Variants in RERE observed in about 807,000 individuals in gnomAD.
The protein encoded by RERE is arginine-glutamic acid dipeptide repeats, also known as arginine-glutamic acid dipeptide repeats protein.
A neutral mutation model predicts 146.1 loss-of-function variants in RERE; 40 were observed. The observed-to-expected ratio is 0.27, with a 90% CI of 0.21 to 0.36. The LOEUF (loss-of-function observed/expected upper bound fraction) is 0.36. Ranked by LOEUF, RERE falls within the 10% of genes least tolerant of loss-of-function variation. The probability of loss-of-function intolerance (pLI) is 1.00; values close to 1 mark genes in which losing one functional copy is unlikely to be tolerated. For missense variants in RERE, 1,933 were observed against 2,138.7 expected (o/e 0.90, Z 1.90); for synonymous variants, 1,003 against 866.0 (o/e 1.16, Z -2.78).
intron 7 of RERE, among the ~76,000 whole-genome samples, chr1:8,531,705 GT>G (rs1229470713): frequency 6.6e-6 from 1 of 152,074 alleles, no homozygotes; most frequent in Non-Finnish European, 1.5e-5. Context: ...TAAGTATTCT[GT>G]TAGATTAAGG....
At chr1:8,570,782 C>T (rs1330147055) in intron 4 of RERE, among the ~76,000 whole-genome samples, 1 of 152,146 alleles carries the variant, frequency 6.6e-6, no homozygotes, top group Non-Finnish European at 1.5e-5. Flanking sequence ...CTTTTAGACA[C>T]AATCATTTAA....
At chr1:8,811,746 C>T (rs1035856444) in intron 1 of RERE, among the ~76,000 whole-genome samples, 2 of 152,230 alleles carry the variant, frequency 1.3e-5, no homozygotes, top group Non-Finnish European at 2.9e-5. Flanking sequence ...CCTGCTGCTG[C>T]AGGACTGTCT....
chr1:8,369,013 C>T (rs1329464179), intron 12 of RERE, among the ~76,000 whole-genome samples: 1 of 152,064 alleles, frequency 6.6e-6, no homozygotes, highest in African/African-American at 2.4e-5. Flanking sequence ...AAGCCTGGGC[C>T]CTACAGGCCC....
At chr1:8,361,926 C>T in intron 16 of RERE, 50 bp from the exon 17 acceptor site, 1 of 1,287,608 alleles carries the variant, frequency 7.8e-7, no homozygotes, top group Non-Finnish European at 1.1e-6. Flanking sequence ...GAGACCATCC[C>T]ATCAGCCTCA....
chr1:8,781,715 T>G (rs902473806), intron 1 of RERE, among the ~76,000 whole-genome samples: 2 of 150,658 alleles, frequency 1.3e-5, no homozygotes, highest in East Asian at 1.9e-4. Flanking sequence ...ATACTTAGCA[T>G]AAAATAGATT....
chr1:8,657,533 A>G (rs1389533102), intron 1 of RERE, among the ~76,000 whole-genome samples: 1 of 152,014 alleles, frequency 6.6e-6, no homozygotes, highest in African/African-American at 2.4e-5. Flanking sequence ...GTTATGTTCC[A>G]AGGAAAATGA....
chr1:8,773,927 T>C (rs185580202), intron 1 of RERE, among the ~76,000 whole-genome samples: 5 of 152,330 alleles, frequency 3.3e-5, no homozygotes, highest in Admixed American at 6.5e-5. Context: ...AGAACTGCCA[T>C]AGAATTTTAA....
intron 1 of RERE, among the ~76,000 whole-genome samples, chr1:8,702,083 A>G (rs1639464210): frequency 6.6e-6 from 1 of 152,080 alleles, no homozygotes; most frequent in Non-Finnish European, 1.5e-5. Flanking sequence ...AAAAAAAAAA[A>G]AAGCCAGAAC....
At chr1:8,589,415 G>A (rs1646466018) in intron 4 of RERE, among the ~76,000 whole-genome samples, 1 of 152,194 alleles carries the variant, frequency 6.6e-6, no homozygotes. Context: ...ACTCCAGCAT[G>A]GGAAACTGAG....
chr1:8,774,535 T>C (rs765736780), intron 1 of RERE, among the ~76,000 whole-genome samples: 1 of 151,720 alleles, frequency 6.6e-6, no homozygotes, highest in Non-Finnish European at 1.5e-5. Context: ...GTATTTTTAG[T>C]AGAGGCAGGG....
At chr1:8,474,071 C>G (rs1260518548) in intron 10 of RERE, among the ~76,000 whole-genome samples, 2 of 152,224 alleles carry the variant, frequency 1.3e-5, no homozygotes, top group African/African-American at 2.4e-5. Flanking sequence ...TACTCTCACT[C>G]TGCCTGACAA....
At chr1:8,776,750 T>C (rs766005538) in intron 1 of RERE, among the ~76,000 whole-genome samples, 14 of 152,054 alleles carry the variant, frequency 9.2e-5, no homozygotes, top group Non-Finnish European at 1.3e-4. Context: ...AGGCAGGGTG[T>C]CACTGTCACC....
At chr1:8,497,045 C>T (rs1418763579) in intron 9 of RERE, among the ~76,000 whole-genome samples, 1 of 152,106 alleles carries the variant, frequency 6.6e-6, no homozygotes, top group Non-Finnish European at 1.5e-5. Context: ...CCTCCCCTCA[C>T]CCCCACCCCT....
chr1:8,533,000 G>A (rs1645677405), intron 7 of RERE, among the ~76,000 whole-genome samples: 1 of 152,162 alleles, frequency 6.6e-6, no homozygotes, highest in Non-Finnish European at 1.5e-5. Flanking sequence ...CCAATGTGCT[G>A]GGATTACAGG....
chr1:8,730,159 A>G (rs957492875), intron 1 of RERE, among the ~76,000 whole-genome samples: 3 of 152,212 alleles, frequency 2.0e-5, no homozygotes, highest in Non-Finnish European at 4.4e-5. Flanking sequence ...CAAAACAAAT[A>G]TACTTGTCAA....
chr1:8,402,544 T>A (rs1178001170), intron 12 of RERE, among the ~76,000 whole-genome samples: 1 of 152,002 alleles, frequency 6.6e-6, no homozygotes, highest in Non-Finnish European at 1.5e-5. Context: ...AAGACTAGAG[T>A]CTCTCATGGT....
chr1:8,504,831 C>T (rs1257728354), intron 8 of RERE, among the ~76,000 whole-genome samples: 4 of 151,676 alleles, frequency 2.6e-5, no homozygotes, highest in South Asian at 4.2e-4. Flanking sequence ...CCAGCCTGGG[C>T]GACCGAGTGA....
Position 8,370,276 on chromosome 1 carries a change from C to T in RERE, c.1285-4302G>A, listed in dbSNP as rs72864288. Among the ~76,000 whole-genome samples, 291 of 151,996 alleles carry T rather than the reference C, an allele frequency of 1.9e-3. 3 individuals carry two copies. The highest frequency in any genetic ancestry group is 6.5e-3 in the African/African-American group (269 of 41,450). The stretch of plus-strand genomic sequence containing the variant: ...AGGCAGACAGGGACGGTGGGTGCTG[C>T]GTGAGTCCTTCCCAGAGATCACAAA... On this transcript the variant is annotated intron_variant, in intron 12 of 22. Coordinates refer to ENST00000400908, the MANE Select transcript of RERE (RefSeq NM_001042681.2).
chr1:8,516,803 T>A (rs1645425481), intron 7 of RERE, among the ~76,000 whole-genome samples: 2 of 152,154 alleles, frequency 1.3e-5, no homozygotes. Flanking sequence ...GACAAAATGA[T>A]CAAAAGAATT....
Sources: allele counts gnomAD v4.1 joint callset (sites outside exome capture counted in the v4.1 genomes callset), GRCh38; gene constraint gnomAD v4.1.1; transcripts MANE v1.5; gene names NCBI Gene and HGNC (gene_info 2026-07-23, HGNC 2026-07-21).